LAMA2: variants seen among roughly 807,000 people sequenced by gnomAD.
The protein encoded by LAMA2 is laminin subunit alpha-2.
Under a neutral mutation model 364.8 loss-of-function variants are expected in LAMA2, and 269 were observed. The ratio of observed to expected loss-of-function variants is 0.74; its 90% CI spans 0.67 to 0.82. The LOEUF (loss-of-function observed/expected upper bound fraction) is 0.82, where lower values mean the gene tolerates loss of function less well. Ranked by LOEUF, LAMA2 falls within the 40% of genes least tolerant of loss-of-function variation. The pLI, the probability that LAMA2 is intolerant of heterozygous loss-of-function variation, is 0.00. For synonymous variants in LAMA2, 1,379 were observed against 1,370.6 expected (o/e 1.01, Z -0.14); for missense variants, 3,807 against 3,873.2 (o/e 0.98, Z 0.45).
At chr6:129,144,404 A>G (rs934561114) in intron 5 of LAMA2, among the ~76,000 whole-genome samples, 2 of 151,930 alleles carry the variant, frequency 1.3e-5, no homozygotes, top group African/African-American at 4.8e-5. Context: ...AGCCTTTGTC[A>G]CCTTAGGGGA....
intron 29 of LAMA2, among the ~76,000 whole-genome samples, chr6:129,339,806 G>A (rs756259317): frequency 1.3e-5 from 2 of 152,010 alleles, no homozygotes; most frequent in African/African-American, 4.8e-5. Flanking sequence ...AGATGGAGAC[G>A]ATCCTGGCCA....
intron 45 of LAMA2, among the ~76,000 whole-genome samples, chr6:129,446,455 G>A (rs1469074397): frequency 6.9e-6 from 1 of 143,960 alleles, no homozygotes; most frequent in African/African-American, 2.6e-5. Context: ...AGCCAGGGCA[G>A]AGTTGCTAAG....
chr6:129,221,961 G>C (rs536668315), intron 12 of LAMA2, among the ~76,000 whole-genome samples: 11 of 152,230 alleles, frequency 7.2e-5, no homozygotes, highest in African/African-American at 2.6e-4. Context: ...ACAGCATGAT[G>C]GTCTTTATAA....
Position 129,176,882 on chromosome 6 carries a change from A to G in LAMA2, c.1307-824A>G, listed in dbSNP as rs896080396. On this transcript the variant is annotated intron_variant, in intron 9 of 64. Transcript: ENST00000421865. ...CAGTAAGACTGCTTAACTCATTAGTATGTATTTAGTATGCATTTCTGACAC... is the reference window on the plus strand; with the variant it reads ...CAGTAAGACTGCTTAACTCATTAGTGTGTATTTAGTATGCATTTCTGACAC... Among the ~76,000 whole-genome samples the G allele has an allele frequency of 2.0e-5, 3 of 152,074 alleles. No homozygotes were observed. In the South Asian group the frequency reaches 6.2e-4, roughly 31 times the overall value.
chr6:129,103,313 G>A (rs1775621653), intron 4 of LAMA2, among the ~76,000 whole-genome samples: 1 of 152,130 alleles, frequency 6.6e-6, no homozygotes, highest in Admixed American at 6.6e-5. Context: ...TTGGAATTAT[G>A]TTAAGTTTAC....
intron 1 of LAMA2, among the ~76,000 whole-genome samples, chr6:128,963,948 G>A (rs1297166159): frequency 1.3e-5 from 2 of 152,080 alleles, no homozygotes; most frequent in Non-Finnish European, 2.9e-5. Context: ...ACATGTAAAT[G>A]TTTGTATGCT....
At chr6:129,153,145 T>A (rs1159822395) in intron 7 of LAMA2, among the ~76,000 whole-genome samples, 1 of 152,156 alleles carries the variant, frequency 6.6e-6, no homozygotes, top group Non-Finnish European at 1.5e-5. Context: ...AGAAAGTGAT[T>A]TTTCACTTCT....
chr6:129,407,259 A>G (rs1199590767), intron 40 of LAMA2, among the ~76,000 whole-genome samples: 3 of 152,130 alleles, frequency 2.0e-5, no homozygotes, highest in Non-Finnish European at 4.4e-5. Context: ...GATACTCAAT[A>G]TTAGTCATCA....
At chr6:129,346,605 A>G (rs72979130) in intron 30 of LAMA2, among the ~76,000 whole-genome samples, 7 of 152,298 alleles carry the variant, frequency 4.6e-5, no homozygotes, top group Non-Finnish European at 7.3e-5. Flanking sequence ...TTGAAGGTAA[A>G]CATAATGTCT....
intron 1 of LAMA2, among the ~76,000 whole-genome samples, chr6:128,961,299 A>G (rs1781472877): frequency 1.5e-5 from 2 of 131,086 alleles, no homozygotes; most frequent in Admixed American, 7.8e-5. Flanking sequence ...AGGGTTCTGT[A>G]GAGGGACAGA....
intron 42 of LAMA2, among the ~76,000 whole-genome samples, chr6:129,440,192 A>G (rs1416470432): frequency 6.6e-6 from 1 of 152,114 alleles, no homozygotes; most frequent in African/African-American, 2.4e-5. Context: ...TATAGGTACA[A>G]TATACAAATT....
At chr6:129,100,887 A>G (rs1317469517) in intron 4 of LAMA2, among the ~76,000 whole-genome samples, 4 of 152,226 alleles carry the variant, frequency 2.6e-5, no homozygotes, top group African/African-American at 7.2e-5. Flanking sequence ...GTTCTAAGGC[A>G]GCATGGTATT....
intron 3 of LAMA2, among the ~76,000 whole-genome samples, chr6:129,088,169 C>T (rs531606886): frequency 6.0e-4 from 87 of 145,230 alleles, no homozygotes; most frequent in Middle Eastern, 3.5e-3. Flanking sequence ...CCATTCAACC[C>T]TGAGTGGACA....
rs1287200246 is a variant in LAMA2, at chr6:129,510,973, G to T, written c.8858-1390G>T. Reference sequence around the variant, plus strand: ...ATTTCTGCAAATTCACAGATGGCTGGCATTCTCTTAGTCAAATTTTATGAC... The same window carrying T: ...ATTTCTGCAAATTCACAGATGGCTGTCATTCTCTTAGTCAAATTTTATGAC... On this transcript the variant is annotated intron_variant, in intron 62 of 64. Coordinates refer to ENST00000421865, the MANE Select transcript of LAMA2 (RefSeq NM_000426.4). Among the ~76,000 whole-genome samples the T allele has an allele frequency of 2.0e-5, 3 of 152,096 alleles. No homozygotes were observed. In the East Asian group the frequency reaches 5.8e-4, roughly 29 times the overall value.
chr6:129,252,042 T>C (rs1297469797), intron 13 of LAMA2, 42 bp from the exon 14 acceptor site: 1 of 1,380,096 alleles, frequency 7.2e-7, no homozygotes, highest in African/African-American at 1.4e-5. Flanking sequence ...GTACCCTCTT[T>C]TCAGTTTTAC....
chr6:129,056,897 A>AT (rs11321173), intron 2 of LAMA2, among the ~76,000 whole-genome samples: 18 of 141,300 alleles, frequency 1.3e-4, no homozygotes, highest in African/African-American at 2.3e-4. Flanking sequence ...TGCCTGTGCT[A>AT]TTTTTTTTTT....
chr6:128,922,935 A>G (rs1254781449), intron 1 of LAMA2, among the ~76,000 whole-genome samples: 1 of 151,878 alleles, frequency 6.6e-6, no homozygotes, highest in Non-Finnish European at 1.5e-5. Flanking sequence ...ATGGCTAGCC[A>G]GTTTTCCCAG....
intron 33 of LAMA2, 76 bp from the exon 34 acceptor site, chr6:129,369,815 AC>A: frequency 8.0e-7 from 1 of 1,252,042 alleles, no homozygotes; most frequent in Non-Finnish European, 1.2e-6. Context: ...CCTTTTATAT[AC>A]AAAAATGTGT....
rs142345851 is a variant in LAMA2 at position 129,260,801 on chromosome 6, G to C, written c.2187G>C (p.Gly729=). 1.3e-4 allele frequency: 202 copies of C among 1,605,334 alleles called. 1 individual carries two copies. In the African/African-American group the frequency reaches 2.5e-3, roughly 20 times the overall value. Residue 729 remains glycine (G), a synonymous_variant, in exon 15 of 65, where the codon GGG becomes GGC. Transcript: ENST00000421865. The stretch of plus-strand genomic sequence containing the variant: ...TAGAAGTGTGTCAGTGCCCACCAGG[G>C]TATACTGGCTCCTCTTGTGAAGTAA... ...AAVEVCQCPP[G]YTGSSCESCW...
Sources: allele counts gnomAD v4.1 joint callset (sites outside exome capture counted in the v4.1 genomes callset), GRCh38; gene constraint gnomAD v4.1.1; transcripts MANE v1.5; gene names NCBI Gene and HGNC (gene_info 2026-07-23, HGNC 2026-07-21).